HEMK2: variants seen among roughly 807,000 people sequenced by gnomAD.
HEMK2 encodes the protein HemK methyltransferase 2, ETF1 glutamine and histone H4 lysine, also known as methyltransferase HEMK2.
the HEMK2 span, among the ~76,000 whole-genome samples, chr21:28,832,367 G>A: frequency 6.6e-6 from 1 of 152,158 alleles, no homozygotes; most frequent in Non-Finnish European, 1.5e-5. Context: ...CTGTTACCTG[G>A]AGTCTTCTTG....
the HEMK2 span, among the ~76,000 whole-genome samples, chr21:28,713,691 C>A: frequency 6.6e-6 from 1 of 152,186 alleles, no homozygotes; most frequent in African/African-American, 2.4e-5. Context: ...AAGTTTGTAA[C>A]CTTCTGCGCT....
chr21:28,878,266 A>C, the HEMK2 span: 2 of 1,610,194 alleles, frequency 1.2e-6, no homozygotes, highest in Non-Finnish European at 1.7e-6. Context: ...CAGGGGAAAA[A>C]ACCTGTCCAT....
At chr21:28,882,192 T>C in the HEMK2 span, 2 of 1,591,198 alleles carry the variant, frequency 1.3e-6, no homozygotes, top group African/African-American at 2.7e-5. Flanking sequence ...ATGTGAACTT[T>C]GTTACAGCGT....
chr21:28,864,883 T>TAAAG, the HEMK2 span, among the ~76,000 whole-genome samples: 1 of 142,248 alleles, frequency 7.0e-6, no homozygotes, highest in African/African-American at 2.8e-5. Context: ...GATAGGTAGA[T>TAAAG]ATAGATGATA....
At chr21:28,860,107 G>C in the HEMK2 span, among the ~76,000 whole-genome samples, 2 of 152,148 alleles carry the variant, frequency 1.3e-5, no homozygotes, top group Admixed American at 6.5e-5. Flanking sequence ...AGGATACAAA[G>C]GATTGATCCT....
At chr21:28,781,749 T>C in the HEMK2 span, among the ~76,000 whole-genome samples, 1 of 152,356 alleles carries the variant, frequency 6.6e-6, no homozygotes, top group South Asian at 2.1e-4. Flanking sequence ...GGGAGTCATT[T>C]ATATGGGTAT....
chr21:28,681,554 T>C, the HEMK2 span, among the ~76,000 whole-genome samples: 8 of 152,088 alleles, frequency 5.3e-5, no homozygotes, highest in Non-Finnish European at 7.4e-5. Context: ...AAAAATACTT[T>C]AAAGTTCATA....
At chr21:28,627,112 C>T in the HEMK2 span, among the ~76,000 whole-genome samples, 17 of 152,254 alleles carry the variant, frequency 1.1e-4, no homozygotes, top group South Asian at 3.3e-3. Context: ...AGTGACATTA[C>T]ATTGAACAAA....
chr21:28,718,171 G>A, the HEMK2 span, among the ~76,000 whole-genome samples: 5 of 152,032 alleles, frequency 3.3e-5, no homozygotes, highest in African/African-American at 1.2e-4. Flanking sequence ...CTTAAATTTT[G>A]TTGTTTACTC....
the HEMK2 span, among the ~76,000 whole-genome samples, chr21:28,725,695 C>T: frequency 1.2e-4 from 19 of 152,200 alleles, no homozygotes; most frequent in African/African-American, 4.3e-4. Flanking sequence ...AGTCCAGATT[C>T]TCAATCTCAT....
the HEMK2 span, among the ~76,000 whole-genome samples, chr21:28,864,581 C>G: frequency 6.6e-6 from 1 of 152,170 alleles, no homozygotes; most frequent in African/African-American, 2.4e-5. Context: ...CCTCTCTCCT[C>G]AACCCGGACC....
At chr21:28,817,021 C>T in the HEMK2 span, among the ~76,000 whole-genome samples, 3 of 152,170 alleles carry the variant, frequency 2.0e-5, no homozygotes, top group Non-Finnish European at 4.4e-5. Flanking sequence ...AACACATCCA[C>T]GTGAAACTTC....
chr21:28,650,312 T>C, the HEMK2 span, among the ~76,000 whole-genome samples: 1 of 152,124 alleles, frequency 6.6e-6, no homozygotes, highest in East Asian at 1.9e-4. Flanking sequence ...GGAGAATCGT[T>C]TGAACCAGGG....
the HEMK2 span, chr21:28,878,132 CATT>C: frequency 2.1e-6 from 3 of 1,401,372 alleles, no homozygotes; most frequent in Admixed American, 2.6e-5. Flanking sequence ...AAGCATTTTA[CATT>C]ATTAACTTTT....
chr21:28,577,074 A>T, the HEMK2 span: 1 of 152,234 alleles, frequency 6.6e-6, no homozygotes. Flanking sequence ...TAAGATGTTG[A>T]GATTTAATGT....
the HEMK2 span, among the ~76,000 whole-genome samples, chr21:28,595,629 A>G: frequency 6.6e-6 from 1 of 152,164 alleles, no homozygotes; most frequent in Non-Finnish European, 1.5e-5. Flanking sequence ...ACAGAGCTGC[A>G]AGAAATATGG....
the HEMK2 span, chr21:28,872,585 T>C: frequency 2.0e-5 from 3 of 152,292 alleles, no homozygotes; most frequent in South Asian, 6.2e-4. Context: ...AATATATCTT[T>C]TACCAGTACT....
chr21:28,700,135 C>T, the HEMK2 span, among the ~76,000 whole-genome samples: 1 of 152,086 alleles, frequency 6.6e-6, no homozygotes, highest in Non-Finnish European at 1.5e-5. Flanking sequence ...TCTTCCTCTT[C>T]CCAAGTAGTG....
the HEMK2 span, among the ~76,000 whole-genome samples, chr21:28,716,356 A>G: frequency 6.6e-6 from 1 of 151,994 alleles, no homozygotes; most frequent in Admixed American, 6.6e-5. Context: ...CTCCTTGACT[A>G]GATGTATTCC....
Sources: gnomAD v4.1 joint callset for allele counts (sites outside exome capture counted in the v4.1 genomes callset) on GRCh38, gnomAD v4.1.1 for gene constraint, MANE v1.5 for transcripts, NCBI Gene and HGNC (gene_info 2026-07-23, HGNC 2026-07-21) for gene names.